The following MTDH variants were observed in gnomAD, a reference collection of about 807,000 sequenced individuals.
The protein encoded by MTDH is protein LYRIC.
Under a neutral mutation model 72.7 loss-of-function variants are expected in MTDH, and 34 were observed. That is an observed-to-expected ratio of 0.47 (90% CI 0.36 to 0.62). MTDH has a LOEUF of 0.62. MTDH is among the 20% of genes least tolerant of loss of function. The pLI is 0.00. For synonymous variants in MTDH, 266 were observed against 268.9 expected (o/e 0.99, Z 0.10); for missense variants, 677 against 699.4 (o/e 0.97, Z 0.36).
chr8:97,691,203 A>G lies in MTDH; in HGVS notation c.1048+15A>G. On this transcript the variant is annotated intron_variant, in intron 6 of 11. Transcript: ENST00000336273. ...TTCTGGCATTGGTAAGAAGTGTTAG[A>G]AAAATTTAACTTTATTTAAAATTAC... 6.6e-7 allele frequency: 1 copy of G among 1,514,694 alleles called. No homozygotes were observed. The highest frequency in any genetic ancestry group is 1.3e-5 in the South Asian group (1 of 75,314). 93.8% of individuals were successfully genotyped at this position (1,514,694 alleles called of 1,614,324 possible).
rs559878310 is a variant in MTDH at position 97,709,231 on chromosome 8, G to T, written c.1272+2481G>T. Among the ~76,000 whole-genome samples, 56 of 151,966 alleles carry T rather than the reference G, an allele frequency of 3.7e-4. No homozygotes were observed. In the South Asian group the frequency reaches 7.9e-3, roughly 21 times the overall value. ...AAAACCACCAGATATAATACTAATGGTAGAAGGAGGGGTAAATAAATGTAG... is the reference window on the plus strand; with the variant it reads ...AAAACCACCAGATATAATACTAATGTTAGAAGGAGGGGTAAATAAATGTAG... On this transcript the variant is annotated intron_variant, in intron 8 of 11. Coordinates refer to ENST00000336273, the MANE Select transcript of MTDH (RefSeq NM_178812.4).
At chr8:97,677,066 C>A (rs1269152531) in intron 2 of MTDH, among the ~76,000 whole-genome samples, 21 of 144,466 alleles carry the variant, frequency 1.5e-4, no homozygotes, top group Non-Finnish European at 2.9e-4. Context: ...GCCTATAGTC[C>A]CAGCTACGTG....
At chr8:97,720,707 C>T (rs1202173857) in intron 10 of MTDH, among the ~76,000 whole-genome samples, 4 of 143,926 alleles carry the variant, frequency 2.8e-5, no homozygotes, top group Admixed American at 1.4e-4. Flanking sequence ...AGTGCAGTGA[C>T]GCAATCCGCA....
rs189418989 is a variant in MTDH, at chr8:97,672,431, T to C, written c.483+11258T>C. On this transcript the variant is annotated intron_variant, in intron 2 of 11. Coordinates refer to ENST00000336273, the MANE Select transcript of MTDH (RefSeq NM_178812.4). ...GGGTTCTCTTGTGCCACAGAATTTATAGTTTCATGATTTCTTGGGTTCCCA... is the reference window on the plus strand; with the variant it reads ...GGGTTCTCTTGTGCCACAGAATTTACAGTTTCATGATTTCTTGGGTTCCCA... Among the ~76,000 whole-genome samples, 17 of 152,372 alleles carry C rather than the reference T, an allele frequency of 1.1e-4. No individual in the cohort carries two copies. In the East Asian group the frequency reaches 3.3e-3, roughly 29 times the overall value.
chr8:97,690,921 G>GT, intron 5 of MTDH, 31 bp from the exon 6 acceptor site: 1 of 1,515,780 alleles, frequency 6.6e-7, no homozygotes, highest in Non-Finnish European at 9.0e-7. Context: ...TCATGTACCT[G>GT]TTTTTTAATA....
Position 97,648,484 on chromosome 8 carries a change from AGAAAAT to A in MTDH, c.381+3598_381+3603del, listed in dbSNP as rs1811645133. ...AGCACATAATCAGGATTAATATCAA[AGAAAAT>A]TGTCTTTTTTTTTTTTTTGAAACAG... On this transcript the variant is annotated intron_variant, in intron 1 of 11. Coordinates refer to ENST00000336273, the MANE Select transcript of MTDH (RefSeq NM_178812.4). Among the ~76,000 whole-genome samples, 5 of 144,212 alleles carry A rather than the reference AGAAAAT, an allele frequency of 3.5e-5. No individual in the cohort carries two copies. The Admixed American group carries it at 3.5e-4, about 10-fold the overall frequency. The allele number at this position is 144,212 out of a possible 152,430, so 94.6% of individuals were successfully genotyped here. A position where few individuals can be genotyped will look rare whatever the true frequency, so the allele number is the denominator to read the frequency against.
chr8:97,719,492 CAAAAAAA>C lies in MTDH; in HGVS notation c.1521+317_1521+323del, dbSNP rs11383714. Among the ~76,000 whole-genome samples, 15 of 79,920 alleles carry C rather than the reference CAAAAAAA, an allele frequency of 1.9e-4. No homozygotes were observed. In the South Asian group the frequency reaches 2.5e-3, roughly 13 times the overall value. The allele number at this position is 79,920 out of a possible 152,430, so 52.4% of individuals were successfully genotyped here. A position where few individuals can be genotyped will look rare whatever the true frequency, so the allele number is the denominator to read the frequency against. On this transcript the variant is annotated intron_variant, in intron 10 of 11. Coordinates refer to ENST00000336273, the MANE Select transcript of MTDH (RefSeq NM_178812.4). ...TAGGCAAGAGAGCAAGACACTGTCT[CAAAAAAA>C]AAAAAAAAAAAAAGAATAATAAAGT...
chr8:97,660,918 T>A (rs890133012), intron 1 of MTDH, among the ~76,000 whole-genome samples, 154 bp from the exon 2 acceptor site: 2 of 143,136 alleles, frequency 1.4e-5, no homozygotes, highest in African/African-American at 5.4e-5. Flanking sequence ...AGGGATAATC[T>A]ATCAACTCTT....
chr8:97,707,605 A>G (rs956177193), intron 8 of MTDH, among the ~76,000 whole-genome samples: 1 of 151,964 alleles, frequency 6.6e-6, no homozygotes, highest in Non-Finnish European at 1.5e-5. Context: ...ATTCTGATAC[A>G]GCTAGTCAAT....
At chr8:97,688,039 T>C (rs895210765) in intron 4 of MTDH, among the ~76,000 whole-genome samples, 3 of 152,206 alleles carry the variant, frequency 2.0e-5, no homozygotes, top group Non-Finnish European at 2.9e-5. Context: ...GGATTTCTTA[T>C]CACCCCACCT....
At chr8:97,696,429 T>C in intron 6 of MTDH, 1 of 268,008 alleles carries the variant, frequency 3.7e-6, no homozygotes, top group Non-Finnish European at 5.7e-6. Flanking sequence ...CAGAGGCCTT[T>C]ACAACAGGAA....
chr8:97,663,217 CCT>C (rs1812243281), intron 2 of MTDH, among the ~76,000 whole-genome samples: 1 of 152,034 alleles, frequency 6.6e-6, no homozygotes, highest in Admixed American at 6.6e-5. Context: ...CTACCATTAA[CCT>C]CTTAGTGATT....
intron 2 of MTDH, among the ~76,000 whole-genome samples, 168 bp from the exon 3 acceptor site, chr8:97,686,500 A>G (rs747723387): frequency 4.6e-5 from 7 of 152,232 alleles, no homozygotes; most frequent in South Asian, 2.1e-4. Context: ...CACTCACTCA[A>G]TGGTAACCTC....
chr8:97,680,056 C>G (rs777645048), intron 2 of MTDH, among the ~76,000 whole-genome samples: 7 of 152,062 alleles, frequency 4.6e-5, no homozygotes, highest in African/African-American at 7.2e-5. Flanking sequence ...TTTATCAAAG[C>G]CTTTTCGTCA....
chr8:97,670,635 A>G (rs1002977719), intron 2 of MTDH, among the ~76,000 whole-genome samples: 5 of 152,220 alleles, frequency 3.3e-5, no homozygotes, highest in Non-Finnish European at 4.4e-5. Flanking sequence ...AATAAAATAA[A>G]AAATAAAAAT....
chr8:97,680,510 C>T (rs879445995), intron 2 of MTDH, among the ~76,000 whole-genome samples: 1 of 152,106 alleles, frequency 6.6e-6, no homozygotes, highest in Admixed American at 6.5e-5. Context: ...TGTATACATG[C>T]ACATACATGT....
chr8:97,719,742 T>C (rs1815031791), intron 10 of MTDH, among the ~76,000 whole-genome samples: 1 of 152,174 alleles, frequency 6.6e-6, no homozygotes, highest in African/African-American at 2.4e-5. Context: ...CTGCTAAATA[T>C]CTAGGCATAC....
intron 7 of MTDH, among the ~76,000 whole-genome samples, chr8:97,705,036 C>T (rs1299714019): frequency 2.6e-5 from 4 of 152,202 alleles, no homozygotes; most frequent in South Asian, 4.1e-4. Flanking sequence ...CAGTGGCTCA[C>T]GCCTGTAATC....
chr8:97,645,227 C>T (rs1811520604), intron 1 of MTDH, among the ~76,000 whole-genome samples: 1 of 152,160 alleles, frequency 6.6e-6, no homozygotes, highest in Non-Finnish European at 1.5e-5. Flanking sequence ...GCAGAGTAGG[C>T]TGCATGTGGA....
Sources: allele counts gnomAD v4.1 joint callset (sites outside exome capture counted in the v4.1 genomes callset), GRCh38; gene constraint gnomAD v4.1.1; transcripts MANE v1.5; gene names NCBI Gene and HGNC (gene_info 2026-07-23, HGNC 2026-07-21).